The following EPHX2 variants were observed in gnomAD, a reference collection of about 807,000 sequenced individuals.
The protein encoded by EPHX2 is epoxide hydrolase 2.
EPHX2 carries 74 observed loss-of-function variants against 78.7 expected under a neutral mutation model. The ratio of observed to expected loss-of-function variants is 0.94; its 90% CI spans 0.78 to 1.14. The LOEUF (loss-of-function observed/expected upper bound fraction) is 1.14. Ranked by LOEUF, EPHX2 falls within the 50% of genes most tolerant of loss-of-function variation. The pLI is 0.00. For missense variants in EPHX2, 715 were observed against 702.5 expected (o/e 1.02, Z -0.20); for synonymous variants, 251 against 255.2 (o/e 0.98, Z 0.16).
chr8:27,536,896 G>T (rs1815232221), intron 13 of EPHX2, 41 bp downstream of exon 13: 1 of 1,607,636 alleles, frequency 6.2e-7, no homozygotes, highest in Non-Finnish European at 8.5e-7. Context: ...GGAGGGGGCA[G>T]TTGTGAAGGA....
At chr8:27,532,787 C>T (rs981094423) in intron 12 of EPHX2, among the ~76,000 whole-genome samples, 6 of 152,108 alleles carry the variant, frequency 3.9e-5, no homozygotes, top group Non-Finnish European at 7.4e-5. Flanking sequence ...AAGATGATAT[C>T]ATTTAAAGAA....
At chr8:27,504,436 T>A (rs1253507303) in intron 3 of EPHX2, among the ~76,000 whole-genome samples, 1 of 152,228 alleles carries the variant, frequency 6.6e-6, no homozygotes, top group Non-Finnish European at 1.5e-5. Context: ...CCTATTTCTA[T>A]GTACACTTCT....
chr8:27,544,610 C>T lies in EPHX2; in HGVS notation c.*88C>T. 7.5e-7 allele frequency: 1 copy of T among 1,331,014 alleles called. No individual in the cohort carries two copies. Among genetic ancestry groups the T allele is most frequent in the Non-Finnish European group, 1.1e-6 (1 of 926,552 alleles). The allele number at this position is 1,331,014 out of a possible 1,614,324, so 82.5% of individuals were successfully genotyped here. A position where few individuals can be genotyped will look rare whatever the true frequency, so the allele number is the denominator to read the frequency against. Reference sequence around the variant, plus strand: ...TAGTATACAGAGGTGGCCTTACACACATCTTGCATGGATGGCAGCATTGTT... The same window carrying T: ...TAGTATACAGAGGTGGCCTTACACATATCTTGCATGGATGGCAGCATTGTT... On this transcript the variant is annotated 3_prime_UTR_variant, in exon 19 of 19. Coordinates refer to ENST00000521400, the MANE Select transcript of EPHX2 (RefSeq NM_001979.6).
chr8:27,506,866 G>C lies in EPHX2; in HGVS notation c.538-6G>C, dbSNP rs200845288. On this transcript the variant is annotated splice_polypyrimidine_tract_variant and splice_region_variant and intron_variant, in intron 4 of 18. Coordinates refer to ENST00000521400, the MANE Select transcript of EPHX2 (RefSeq NM_001979.6). ...CTGAGATTCTCCCATGCTGTTTTGG[G>C]CTCAGGTCGTTTTTTTGGATGACAT... 1.4e-5 allele frequency: 22 copies of C among 1,613,624 alleles called. No homozygotes were observed. In the African/African-American group the frequency reaches 2.8e-4, roughly 21 times the overall value.
chr8:27,501,988 A>G (rs534460715), intron 2 of EPHX2, among the ~76,000 whole-genome samples: 1 of 152,316 alleles, frequency 6.6e-6, no homozygotes, highest in African/African-American at 2.4e-5. Flanking sequence ...AAAAGTACAC[A>G]TAGCATACAG....
chr8:27,494,670 TC>T (rs1813509580), intron 1 of EPHX2, among the ~76,000 whole-genome samples: 1 of 152,228 alleles, frequency 6.6e-6, no homozygotes, highest in African/African-American at 2.4e-5. Flanking sequence ...AAGGGATTAT[TC>T]CTTTGGCACA....
intron 11 of EPHX2, among the ~76,000 whole-genome samples, chr8:27,523,379 G>A (rs968632982): frequency 1.3e-5 from 2 of 152,214 alleles, no homozygotes; most frequent in Non-Finnish European, 2.9e-5. Context: ...GGAGCTATCA[G>A]ATGGCAGGTT....
chr8:27,511,884 A>G lies in EPHX2; in HGVS notation c.709A>G (p.Met237Val), dbSNP rs770740853. 2 of 1,614,142 alleles carry G rather than the reference A, an allele frequency of 1.2e-6. No individual in the cohort carries two copies. The highest frequency in any genetic ancestry group is 1.7e-6 in the Non-Finnish European group (2 of 1,180,014). Residue 237 changes from methionine to valine, a missense_variant, in exon 6 of 19, where the codon ATG becomes GTG. Met to Val is a conservative substitution (Grantham distance 21, BLOSUM62 1). Coordinates refer to ENST00000521400, the MANE Select transcript of EPHX2 (RefSeq NM_001979.6). ...GCCGACCTCTTGCAATCCAAGTGAC[A>G]TGAGCCATGGGTACGTGACAGTAAA... ...PLPTSCNPSD[M>V]SHGYVTVKPR...
intron 11 of EPHX2, among the ~76,000 whole-genome samples, chr8:27,525,107 T>TGTGTGTGTGTGTGCGCGCGC (rs1491544464): frequency 9.7e-6 from 1 of 103,456 alleles, no homozygotes; most frequent in African/African-American, 3.6e-5. Flanking sequence ...TGTGTGTGTG[T>TGTGTGTGTGTGTGCGCGCGC]GCGCGCGCGC....
At chr8:27,538,181 A>G (rs916583450) in intron 13 of EPHX2, among the ~76,000 whole-genome samples, 1 of 152,210 alleles carries the variant, frequency 6.6e-6, no homozygotes, top group African/African-American at 2.4e-5. Flanking sequence ...CCAAGCTGAA[A>G]CAGACAAACT....
chr8:27,543,901 G>A (rs530215173), intron 17 of EPHX2, 72 bp downstream of exon 17: 5 of 1,488,748 alleles, frequency 3.4e-6, no homozygotes, highest in Admixed American at 1.7e-5. Context: ...GAGGGAAGAC[G>A]GCAGCAGAAG....
At position 27,545,115 on chromosome 8, in the gene EPHX2, A is replaced by G. The variant is rs1815545628; in HGVS notation, c.*593A>G. 6.6e-6 allele frequency: 1 copy of G among 152,522 alleles called. No individual in the cohort carries two copies. Among genetic ancestry groups the G allele is most frequent in the Non-Finnish European group, 1.5e-5 (1 of 68,314 alleles). The allele number at this position is 152,522 out of a possible 1,614,324, so 9.4% of individuals were successfully genotyped here. A position where few individuals can be genotyped will look rare whatever the true frequency, so the allele number is the denominator to read the frequency against. ...TTGTGCTCTGTCCCCTAGAGCAGTC[A>G]CTGGCCACAGGTAGCCACCTGCCTT... is the stretch of plus-strand genomic sequence containing the variant. On this transcript the variant is annotated 3_prime_UTR_variant, in exon 19 of 19. Transcript: ENST00000521400.
At chr8:27,508,036 C>T (rs182544371) in intron 5 of EPHX2, among the ~76,000 whole-genome samples, 9 of 152,304 alleles carry the variant, frequency 5.9e-5, no homozygotes, top group African/African-American at 2.2e-4. Context: ...TGCAGTGGCT[C>T]ACTCCTGTAA....
chr8:27,532,478 G>A lies in EPHX2; in HGVS notation c.1171-4306G>A, dbSNP rs373491198. Among the ~76,000 whole-genome samples the A allele has an allele frequency of 9.2e-5, 14 of 152,282 alleles. No individual in the cohort carries two copies. In the East Asian group the frequency reaches 2.7e-3, roughly 29 times the overall value. ...CTGCCATAACAAAGTACCACAAGCT[G>A]TGAGTTAGAACCACAAAAGTGAATT... On this transcript the variant is annotated intron_variant, in intron 12 of 18. Coordinates refer to ENST00000521400, the MANE Select transcript of EPHX2 (RefSeq NM_001979.6).
intron 5 of EPHX2, among the ~76,000 whole-genome samples, chr8:27,508,504 A>G (rs1318842299): frequency 6.6e-6 from 1 of 152,198 alleles, no homozygotes; most frequent in Non-Finnish European, 1.5e-5. Flanking sequence ...GTCCCAGGCA[A>G]CAGAGAAGAA....
rs151005275 is a variant in EPHX2, at chr8:27,506,915, G to A, written c.581G>A (p.Arg194His). Residue 194 changes from arginine to histidine, a missense_variant, in exon 5 of 19, where the codon CGT becomes CAT. Arg to His is a conservative substitution (Grantham distance 29). Coordinates refer to ENST00000521400, the MANE Select transcript of EPHX2 (RefSeq NM_001979.6). ...ATCGGGGCTAATCTGAAGCCAGCCC[G>A]TGACTTGGGAATGGTCACCATCCTG... ...DDIGANLKPA[R>H]DLGMVTILVQ... 1.1e-5 allele frequency: 17 copies of A among 1,611,280 alleles called. No homozygotes were observed. The highest frequency in any genetic ancestry group is 4.0e-5 in the African/African-American group (3 of 74,752).
At chr8:27,500,259 C>G (rs983983941) in intron 1 of EPHX2, among the ~76,000 whole-genome samples, 1 of 152,114 alleles carries the variant, frequency 6.6e-6, no homozygotes, top group Non-Finnish European at 1.5e-5. Context: ...CCTCTTCTCT[C>G]TCTTCCTCCT....
At chr8:27,515,963 C>T (rs751142) in intron 7 of EPHX2, 150 bp downstream of exon 7, 10,081 of 732,256 alleles carry the variant, frequency 0.014, 268 homozygotes, top group Admixed American at 0.079. Context: ...GAGGGTGACT[C>T]CAGACCTCAG....
chr8:27,518,850 C>T (rs1209275337), intron 9 of EPHX2, among the ~76,000 whole-genome samples: 1 of 152,190 alleles, frequency 6.6e-6, no homozygotes, highest in Non-Finnish European at 1.5e-5. Flanking sequence ...GTCTTTGCCT[C>T]TTGCACTCTG....
Sources: allele counts gnomAD v4.1 joint callset (sites outside exome capture counted in the v4.1 genomes callset), GRCh38; gene constraint gnomAD v4.1.1; transcripts MANE v1.5; gene names NCBI Gene and HGNC (gene_info 2026-07-23, HGNC 2026-07-21).